TMEM132D: variants seen among roughly 807,000 people sequenced by gnomAD.
TMEM132D encodes mature OL transmembrane protein.
In TMEM132D, 21 loss-of-function variants were observed where a neutral mutation model predicts 62.3. That is an observed-to-expected ratio of 0.34 (90% CI 0.24 to 0.49). The LOEUF (loss-of-function observed/expected upper bound fraction) is 0.49, where lower values mean the gene tolerates loss of function less well. Among genes scored for constraint, TMEM132D ranks in the 20% least tolerant of loss-of-function variants. TMEM132D has a pLI of 0.99. For missense variants in TMEM132D, 1,346 were observed against 1,402.8 expected, an observed-to-expected ratio of 0.96 and a Z score of 0.65; for synonymous variants, 621 against 575.6, an observed-to-expected ratio of 1.08 and a Z score of -1.13.
At chr12:129,771,599 C>T (rs748486704) in intron 1 of TMEM132D, among the ~76,000 whole-genome samples, 2 of 152,184 alleles carry the variant, frequency 1.3e-5, no homozygotes, top group Non-Finnish European at 1.5e-5. Flanking sequence ...GCTAAAGGCA[C>T]CTTGTTCCTT....
intron 2 of TMEM132D, among the ~76,000 whole-genome samples, chr12:129,660,387 C>T (rs1272465254): frequency 1.3e-5 from 2 of 152,108 alleles, no homozygotes; most frequent in South Asian, 4.1e-4. Context: ...CTTCCTTTCT[C>T]CTGCCTCCTC....
chr12:129,240,941 C>A (rs560842283), intron 4 of TMEM132D, among the ~76,000 whole-genome samples: 1 of 152,218 alleles, frequency 6.6e-6, no homozygotes, highest in African/African-American at 2.4e-5. Flanking sequence ...CCTTCTGAAT[C>A]CCAGTTTAGT....
Position 129,232,380 on chromosome 12 carries a change from T to C in TMEM132D, c.1300-22717A>G, listed in dbSNP as rs1879665999. 2.6e-5 allele frequency among the ~76,000 whole-genome samples: 4 copies of C among 152,110 alleles called. No individual in the cohort carries two copies. In the South Asian group the frequency reaches 6.2e-4, roughly 24 times the overall value. ...TGTTTTCTGCTTGATGCTTAAGAAA[T>C]GTTAAAATACAATGATGGTGCCATA... is the stretch of plus-strand genomic sequence containing the variant. On this transcript the variant is annotated intron_variant, in intron 4 of 8. Transcript: ENST00000422113.
intron 3 of TMEM132D, among the ~76,000 whole-genome samples, chr12:129,394,000 T>C (rs573740562): frequency 6.6e-6 from 1 of 152,268 alleles, no homozygotes; most frequent in East Asian, 1.9e-4. Flanking sequence ...ATTTTAAAAT[T>C]AATATTTAAA....
chr12:129,840,729 C>T (rs944519756), intron 1 of TMEM132D, among the ~76,000 whole-genome samples: 5 of 152,204 alleles, frequency 3.3e-5, no homozygotes, highest in African/African-American at 1.2e-4. Flanking sequence ...ACCCTGGCAG[C>T]CTGGGCAACA....
At chr12:129,676,990 G>A (rs140208804) in intron 2 of TMEM132D, among the ~76,000 whole-genome samples, 1 of 152,064 alleles carries the variant, frequency 6.6e-6, no homozygotes, top group Non-Finnish European at 1.5e-5. Context: ...TTACATATCA[G>A]AATAGCTATA....
chr12:129,787,264 GA>G (rs1871271446), intron 1 of TMEM132D, among the ~76,000 whole-genome samples: 1 of 152,276 alleles, frequency 6.6e-6, no homozygotes, highest in South Asian at 2.1e-4. Flanking sequence ...CAGGAGGAAA[GA>G]GAGACTAAAG....
chr12:129,579,743 C>G (rs1593073730), intron 2 of TMEM132D, among the ~76,000 whole-genome samples: 1 of 152,186 alleles, frequency 6.6e-6, no homozygotes, highest in South Asian at 2.1e-4. Context: ...AATGGTGGGT[C>G]TTCCTCTCCC....
rs111393507 is a variant in TMEM132D at position 129,125,672 on chromosome 12, C to CT, written c.1444-40971dup. On this transcript the variant is annotated intron_variant, in intron 5 of 8. Transcript: ENST00000422113. ...TTGGTCAATTTTTCTTTTCTTTTTT[C>CT]TTTTTTTTTTGGTATAAACGGGGTT... Among the ~76,000 whole-genome samples the CT allele has an allele frequency of 4.0e-3, 578 of 143,944 alleles. 2 individuals are homozygous for CT. The highest frequency in any genetic ancestry group is 0.011 in the African/African-American group (436 of 38,076). 94.4% of individuals were successfully genotyped at this position (143,944 alleles called of 152,430 possible).
At chr12:129,720,338 T>G (rs1442567867) in intron 1 of TMEM132D, among the ~76,000 whole-genome samples, 1 of 152,200 alleles carries the variant, frequency 6.6e-6, no homozygotes, top group East Asian at 1.9e-4. Flanking sequence ...TCTGACTGAT[T>G]CCTAAATATT....
intron 1 of TMEM132D, among the ~76,000 whole-genome samples, chr12:129,738,393 A>C (rs1003280194): frequency 6.6e-6 from 1 of 152,196 alleles, no homozygotes; most frequent in African/African-American, 2.4e-5. Flanking sequence ...GGAAGAAAAA[A>C]GAAAAGGAAA....
intron 2 of TMEM132D, among the ~76,000 whole-genome samples, chr12:129,607,698 G>A (rs527475784): frequency 7.2e-5 from 11 of 152,260 alleles, no homozygotes; most frequent in Non-Finnish European, 1.5e-4. Context: ...TAGAATGACC[G>A]ACTACAGGAT....
At chr12:129,093,912 T>G (rs1387661979) in intron 5 of TMEM132D, among the ~76,000 whole-genome samples, 1 of 151,706 alleles carries the variant, frequency 6.6e-6, no homozygotes, top group Non-Finnish European at 1.5e-5. Flanking sequence ...ACAAACCTGA[T>G]AAAAACAAGC....
rs544009445 is a variant in TMEM132D, at chr12:129,877,761, G to A, written c.79+25500C>T. 4.6e-5 allele frequency among the ~76,000 whole-genome samples: 7 copies of A among 152,278 alleles called. No individual in the cohort carries two copies. The East Asian group carries it at 1.4e-3, about 29-fold the overall frequency. On this transcript the variant is annotated intron_variant, in intron 1 of 8. Transcript: ENST00000422113. Reference sequence around the variant, plus strand: ...CTGGGTGTCTTCATACTGGCACAGAGGTAGCTGTTTCTCTTCCAGTCATGC... The same window carrying A: ...CTGGGTGTCTTCATACTGGCACAGAAGTAGCTGTTTCTCTTCCAGTCATGC...
At chr12:129,889,567 AAAT>A (rs1383125544) in intron 1 of TMEM132D, among the ~76,000 whole-genome samples, 2 of 152,192 alleles carry the variant, frequency 1.3e-5, no homozygotes, top group Non-Finnish European at 2.9e-5. Flanking sequence ...CCTGCTACTA[AAAT>A]ATTATTAGAA....
chr12:129,872,668 G>A (rs989726876), intron 1 of TMEM132D, among the ~76,000 whole-genome samples: 1 of 152,176 alleles, frequency 6.6e-6, no homozygotes, highest in Non-Finnish European at 1.5e-5. Flanking sequence ...TCTTTGGAGC[G>A]AAAGTCAGTA....
intron 3 of TMEM132D, among the ~76,000 whole-genome samples, chr12:129,476,871 C>T (rs1222393931): frequency 2.0e-5 from 3 of 152,114 alleles, no homozygotes; most frequent in Non-Finnish European, 4.4e-5. Flanking sequence ...TAAATTCCTC[C>T]GATAATCACA....
intron 5 of TMEM132D, among the ~76,000 whole-genome samples, chr12:129,179,227 G>T (rs777623997): frequency 6.6e-6 from 1 of 152,218 alleles, no homozygotes; most frequent in Non-Finnish European, 1.5e-5. Flanking sequence ...TTAGCAGGAG[G>T]AGTGATTATC....
chr12:129,506,714 A>T (rs1015940983), intron 3 of TMEM132D, among the ~76,000 whole-genome samples: 1 of 152,206 alleles, frequency 6.6e-6, no homozygotes, highest in Non-Finnish European at 1.5e-5. Context: ...TCAAGAGAAG[A>T]TGTATGAATG....
Sources: gnomAD v4.1 joint callset for allele counts (sites outside exome capture counted in the v4.1 genomes callset) on GRCh38, gnomAD v4.1.1 for gene constraint, MANE v1.5 for transcripts, NCBI Gene and HGNC (gene_info 2026-07-23, HGNC 2026-07-21) for gene names.